The following RUVBL1 variants were observed in gnomAD, a reference collection of about 807,000 sequenced individuals.
RUVBL1 encodes the protein RuvB like AAA ATPase 1, also known as ruvB-like 1.
Under a neutral mutation model 52.4 loss-of-function variants are expected in RUVBL1, and 4 were observed. The observed-to-expected ratio is 0.08, with a 90% CI of 0.04 to 0.17. The LOEUF is 0.17. Among genes scored for constraint, RUVBL1 ranks in the 10% least tolerant of loss-of-function variants. The pLI, the probability that RUVBL1 is intolerant of heterozygous loss-of-function variation, is 1.00. For missense variants in RUVBL1, 298 were observed against 572.8 expected (o/e 0.52, Z 4.90); for synonymous variants, 217 against 214.4 (o/e 1.01, Z -0.10).
chr3:128,078,328 A>T (rs1252189423), downstream of RUVBL1, among the ~76,000 whole-genome samples: 1 of 152,198 alleles, frequency 6.6e-6, no homozygotes, highest in Admixed American at 6.5e-5. Context: ...GGCAGGTGCA[A>T]CCCTAAGACA....
At chr3:128,075,965 C>G (rs1354901975), downstream of RUVBL1, 2 of 152,602 alleles carry the variant, frequency 1.3e-5, no homozygotes, top group South Asian at 2.1e-4. Flanking sequence ...GTTCGGACTT[C>G]GGGTCAGTCC....
At chr3:128,131,997 G>T (rs1001953372) in intron 1 of RUVBL1, among the ~76,000 whole-genome samples, 1 of 152,194 alleles carries the variant, frequency 6.6e-6, no homozygotes, top group Admixed American at 6.5e-5. Context: ...GCACTAAAGA[G>T]AGTAGGAAAG....
chr3:128,066,367 T>A (rs763912102), intron 9 of RUVBL1, among the ~76,000 whole-genome samples: 2 of 151,864 alleles, frequency 1.3e-5, no homozygotes. Context: ...TGTGATAGGC[T>A]CTGTCTTTTG....
At chr3:128,142,929 C>T (rs780949726) in intron 1 of RUVBL1, among the ~76,000 whole-genome samples, 2 of 152,028 alleles carry the variant, frequency 1.3e-5, no homozygotes, top group Non-Finnish European at 2.9e-5. Context: ...TACAGGCGCA[C>T]GCCACCACAC....
At chr3:128,098,769 A>C in intron 7 of RUVBL1, 113 bp downstream of exon 7, 1 of 880,994 alleles carries the variant, frequency 1.1e-6, no homozygotes, top group Non-Finnish European at 1.9e-6. Context: ...GGAAGAAAGA[A>C]CTGTTCTGAG....
At chr3:128,066,362 T>C (rs1345012751) in intron 9 of RUVBL1, among the ~76,000 whole-genome samples, 3 of 152,018 alleles carry the variant, frequency 2.0e-5, no homozygotes, top group Admixed American at 6.6e-5. Context: ...TGTAATGTGA[T>C]AGGCTCTGTC....
At chr3:128,116,194 A>G (rs779663807) in intron 2 of RUVBL1, among the ~76,000 whole-genome samples, 11 of 152,008 alleles carry the variant, frequency 7.2e-5, no homozygotes, top group African/African-American at 2.7e-4. Context: ...AAAAAAACAT[A>G]AAAGAGGACT....
rs1942027421 is a variant in RUVBL1, at chr3:128,067,732, TA to T, written c.940-2513del. The T allele has an allele frequency of 2.4e-6, 2 of 832,532 alleles. No individual in the cohort carries two copies. Among genetic ancestry groups the T allele is most frequent in the South Asian group, 1.7e-5 (1 of 57,796 alleles). 51.6% of individuals were successfully genotyped at this position (832,532 alleles called of 1,614,324 possible). A position where few individuals can be genotyped will look rare whatever the true frequency, so the allele number is the denominator to read the frequency against. On this transcript the variant is annotated intron_variant, in intron 9 of 9. Transcript: ENST00000464873. The surrounding 1 kb of genome is among the most constrained non-coding windows in gnomAD (Gnocchi z 4.1). ...CGTGTGCAGATAGATCGTCGTCCTT[TA>T]GGGGGCAGTTCAGAAGCTTTAAGGG...
chr3:128,148,121 C>CT (rs113586064), intron 1 of RUVBL1, among the ~76,000 whole-genome samples: 177 of 143,398 alleles, frequency 1.2e-3, no homozygotes, highest in African/African-American at 3.3e-3. Flanking sequence ...TCATAAAGGG[C>CT]TTTTTTTTTT....
chr3:128,125,170 A>G (rs1176571154), upstream of RUVBL1, among the ~76,000 whole-genome samples: 4 of 151,192 alleles, frequency 2.6e-5, no homozygotes, highest in South Asian at 2.1e-4. Flanking sequence ...GCCCACCATC[A>G]CGCCCGGCTA....
exon 1 of RUVBL1, chr3:128,153,780 C>T (rs115897073): frequency 2.0e-6 from 3 of 1,531,158 alleles, no homozygotes; most frequent in Middle Eastern, 1.7e-4. Flanking sequence ...TCACGCTGGT[C>T]GACTGCCCCG....
Position 128,123,589 on chromosome 3 carries a change from G to T in RUVBL1, c.136C>A (p.Arg46=). ...ASGLVGQENA[R]EACGVIVELI... ...CCCTGGTCCACTGGCCACACCTCTC[G>T]CGCGTTCTCCTGGCCCACAAGCCCT... Residue 46 remains arginine (R), a synonymous_variant, in exon 1 of 11, where the codon CGA becomes AGA. Transcript: ENST00000322623. The T allele has an allele frequency of 6.2e-7, 1 of 1,604,924 alleles. No individual in the cohort carries two copies. Among genetic ancestry groups the T allele is most frequent in the Non-Finnish European group, 8.5e-7 (1 of 1,175,368 alleles).
In RUVBL1 at chr3:128,069,738, G is replaced by T. The variant is rs1000764286; in HGVS notation, c.940-4518C>A. 1.5e-5 allele frequency: 19 copies of T among 1,226,900 alleles called. No homozygotes were observed. In the African/African-American group the frequency reaches 2.6e-4, roughly 17 times the overall value. 76.0% of individuals were successfully genotyped at this position (1,226,900 alleles called of 1,614,324 possible). ...GGGAGCTCTCATCATGGCGCGTGCT[G>T]CTGCGGCATATGGACTTTTAATAAT... On this transcript the variant is annotated intron_variant, in intron 9 of 9. Coordinates refer to the RUVBL1 transcript ENST00000464873.
intron 3 of RUVBL1, among the ~76,000 whole-genome samples, chr3:128,106,920 T>C (rs980360985): frequency 6.6e-6 from 1 of 152,236 alleles, no homozygotes; most frequent in East Asian, 1.9e-4. Flanking sequence ...CAAGGGTACC[T>C]TGGAGTTCTG....
intron 3 of RUVBL1, among the ~76,000 whole-genome samples, chr3:128,110,502 A>C (rs972583636): frequency 1.3e-5 from 2 of 152,120 alleles, no homozygotes; most frequent in African/African-American, 4.8e-5. Flanking sequence ...AGCACCAAAA[A>C]ATCCAATATT....
chr3:128,150,894 A>ATAT (rs1944189343), intron 1 of RUVBL1, among the ~76,000 whole-genome samples: 13 of 85,790 alleles, frequency 1.5e-4, no homozygotes, highest in Non-Finnish European at 2.4e-4. Context: ...TATATATTCT[A>ATAT]TATATATAAT....
chr3:128,067,498 T>C lies in RUVBL1; in HGVS notation c.940-2278A>G, dbSNP rs576495751. 6.2e-7 allele frequency: 1 copy of C among 1,614,196 alleles called. No homozygotes were observed. Among genetic ancestry groups the C allele is most frequent in the South Asian group, 1.1e-5 (1 of 91,088 alleles). On this transcript the variant is annotated intron_variant, in intron 9 of 9. Coordinates refer to the RUVBL1 transcript ENST00000464873. This position sits in a 1 kb window ranked among gnomAD's most constrained non-coding sequence, Gnocchi z 4.1. ...ATTACCTGTCCCCTCCAGAATCTTT[T>C]GGCTCCGTGTTAGAAGACCCGGTCC...
At chr3:128,142,820 G>A (rs1326232701) in intron 1 of RUVBL1, among the ~76,000 whole-genome samples, 11 of 151,516 alleles carry the variant, frequency 7.3e-5, no homozygotes, top group African/African-American at 1.7e-4. Context: ...TCACTCTGTC[G>A]CCCAGGCTGG....
In RUVBL1 at chr3:128,140,523, T is replaced by A. The variant is rs188606003; in HGVS notation, c.-40+12680A>T. Among the ~76,000 whole-genome samples, 102 of 152,222 alleles carry A rather than the reference T, an allele frequency of 6.7e-4. No homozygotes were observed. In the Middle Eastern group the frequency reaches 0.01, roughly 15 times the overall value. On this transcript the variant is annotated intron_variant, in intron 1 of 9. Transcript: ENST00000464873. ...GATAGAGATGATTTTGCTGACACCT[T>A]ATAGGTGGTACAAAGTCATAAAAGT...
Sources: allele counts gnomAD v4.1 joint callset (sites outside exome capture counted in the v4.1 genomes callset), GRCh38; gene constraint gnomAD v4.1.1; non-coding constraint Gnocchi (gnomAD v3.1); transcripts MANE v1.5; gene names NCBI Gene and HGNC (gene_info 2026-07-23, HGNC 2026-07-21).